Variants in COL11A1 observed in about 807,000 individuals in gnomAD.
The protein encoded by COL11A1 is collagen alpha-1(XI) chain.
In COL11A1, 74 loss-of-function variants were observed where a neutral mutation model predicts 265.2. The observed-to-expected ratio is 0.28, with a 90% CI of 0.23 to 0.34. COL11A1 has a LOEUF of 0.34. Among genes scored for constraint, COL11A1 ranks in the 10% least tolerant of loss-of-function variants. The probability of loss-of-function intolerance (pLI) is 1.00; values close to 1 mark genes in which losing one functional copy is unlikely to be tolerated. For missense variants in COL11A1, 2,165 were observed against 2,263.6 expected, an observed-to-expected ratio of 0.96 and a Z score of 0.88; for synonymous variants, 816 against 727.6, an observed-to-expected ratio of 1.12 and a Z score of -1.96.
intron 48 of COL11A1, 22 bp downstream of exon 48, chr1:102,921,496 A>C (rs1433039199): frequency 6.3e-7 from 1 of 1,582,444 alleles, no homozygotes; most frequent in Non-Finnish European, 8.7e-7. Context: ...AAAATAATTA[A>C]CATATATTTC....
chr1:103,080,736 A>T (rs910697048), intron 2 of COL11A1, among the ~76,000 whole-genome samples: 3 of 151,920 alleles, frequency 2.0e-5, no homozygotes, highest in Non-Finnish European at 4.4e-5. Context: ...AAATTAATAC[A>T]GCCATATAGA....
chr1:102,949,298 A>G (rs1183835122), intron 41 of COL11A1, among the ~76,000 whole-genome samples: 1 of 151,968 alleles, frequency 6.6e-6, no homozygotes, highest in Non-Finnish European at 1.5e-5. Flanking sequence ...TCACAAAATG[A>G]TTGCTATCCA....
At chr1:102,927,774 G>A (rs1326833593) in intron 46 of COL11A1, among the ~76,000 whole-genome samples, 1 of 152,052 alleles carries the variant, frequency 6.6e-6, no homozygotes, top group African/African-American at 2.4e-5. Flanking sequence ...TTATTTTCCT[G>A]GATATGTTTC....
chr1:103,047,901 A>G (rs1296724040), intron 4 of COL11A1, among the ~76,000 whole-genome samples: 1 of 152,146 alleles, frequency 6.6e-6, no homozygotes, highest in Non-Finnish European at 1.5e-5. Flanking sequence ...ATGCTGGATT[A>G]CCTTTATTGA....
At position 102,915,709 on chromosome 1, in the gene COL11A1, A is replaced by G. The variant is rs778424723; in HGVS notation, c.3763-25T>C. ...CCTATATAGAGAAGATCAAATTAGT[A>G]TTAGAATACAGAGATGATCTTTTAC... On this transcript the variant is annotated intron_variant, in intron 49 of 66. Transcript: ENST00000370096. 4 of 1,526,966 alleles carry G rather than the reference A, an allele frequency of 2.6e-6. No homozygotes were observed. The Admixed American group carries it at 6.7e-5, about 26-fold the overall frequency. The allele number at this position is 1,526,966 out of a possible 1,614,324, so 94.6% of individuals were successfully genotyped here.
At chr1:103,056,406 T>C (rs1439024044) in intron 4 of COL11A1, among the ~76,000 whole-genome samples, 1 of 152,188 alleles carries the variant, frequency 6.6e-6, no homozygotes. Context: ...ATTTATGTTA[T>C]GTGAGAGAGA....
At chr1:102,919,943 A>G (rs1008334729) in intron 49 of COL11A1, among the ~76,000 whole-genome samples, 2 of 152,018 alleles carry the variant, frequency 1.3e-5, no homozygotes, top group Non-Finnish European at 2.9e-5. Context: ...CTATTACTAG[A>G]CATTCATGGA....
chr1:103,083,224 C>CTG (rs745323548), intron 1 of COL11A1, among the ~76,000 whole-genome samples: 73 of 103,486 alleles, frequency 7.1e-4, no homozygotes, highest in East Asian at 2.6e-3. Context: ...GAAGGGGTGT[C>CTG]TGTGTGTGTG....
chr1:102,994,401 A>T (rs772369844), intron 28 of COL11A1, among the ~76,000 whole-genome samples: 6 of 151,900 alleles, frequency 3.9e-5, no homozygotes, highest in Non-Finnish European at 8.8e-5. Context: ...GATTGTTTAA[A>T]AGCATGTGGC....
Position 103,017,890 on chromosome 1 carries a change from G to A in COL11A1, c.1351-8C>T. On this transcript the variant is annotated splice_polypyrimidine_tract_variant and splice_region_variant and intron_variant, in intron 10 of 66. Coordinates refer to ENST00000370096, the MANE Select transcript of COL11A1 (RefSeq NM_001854.4). Reference sequence around the variant, plus strand: ...TGGAGGACCCATAATACCCTATAGAGAAACACACCATATCTTAATCAGATT... The same window carrying A: ...TGGAGGACCCATAATACCCTATAGAAAAACACACCATATCTTAATCAGATT... 1 of 1,607,542 alleles carries A rather than the reference G, an allele frequency of 6.2e-7. No homozygotes were observed. The highest frequency in any genetic ancestry group is 8.5e-7 in the Non-Finnish European group (1 of 1,174,198).
chr1:102,888,702 G>A (rs1651334459), intron 61 of COL11A1, 21 bp downstream of exon 61: 2 of 1,613,734 alleles, frequency 1.2e-6, no homozygotes, highest in South Asian at 2.2e-5. Flanking sequence ...AAATTAAATT[G>A]TCAAAGGGAA....
At chr1:102,970,586 C>G (rs2101627927) in intron 36 of COL11A1, among the ~76,000 whole-genome samples, 1 of 152,264 alleles carries the variant, frequency 6.6e-6, no homozygotes, top group East Asian at 1.9e-4. Flanking sequence ...AAAAATATTA[C>G]TTCTTTAGCA....
At chr1:102,933,118 T>C (rs1385115973) in intron 46 of COL11A1, among the ~76,000 whole-genome samples, 1 of 150,114 alleles carries the variant, frequency 6.7e-6, no homozygotes, top group African/African-American at 2.4e-5. Flanking sequence ...CATCCAGCTT[T>C]GTTCCATTGC....
Position 102,959,322 on chromosome 1 carries a change from T to C in COL11A1, c.3168+2544A>G, listed in dbSNP as rs116850894. On this transcript the variant is annotated intron_variant, in intron 41 of 66. Transcript: ENST00000370096. ...TAGATGCTAGCAAGAATTCAACAAA[T>C]GTTAGTCCATCTCCCAAATTTTGTC... 2.4e-4 allele frequency among the ~76,000 whole-genome samples: 36 copies of C among 152,312 alleles called. No homozygotes were observed. The East Asian group carries it at 6.4e-3, about 27-fold the overall frequency.
chr1:103,105,140 T>C (rs561730775), intron 1 of COL11A1, among the ~76,000 whole-genome samples: 1 of 152,108 alleles, frequency 6.6e-6, no homozygotes, highest in South Asian at 2.1e-4. Context: ...AACCCTTACA[T>C]AAACTCATCT....
At chr1:102,923,061 C>G (rs909713830) in intron 47 of COL11A1, among the ~76,000 whole-genome samples, 1 of 152,140 alleles carries the variant, frequency 6.6e-6, no homozygotes, top group Admixed American at 6.5e-5. Context: ...CTAATTAAGA[C>G]AGAATTATTA....
At chr1:102,910,396 T>C (rs1261320855) in intron 54 of COL11A1, among the ~76,000 whole-genome samples, 1 of 152,106 alleles carries the variant, frequency 6.6e-6, no homozygotes, top group Non-Finnish European at 1.5e-5. Flanking sequence ...TTTGACATAT[T>C]TTAAAATGAA....
At chr1:102,882,849 G>T (rs1204626331) in intron 64 of COL11A1, among the ~76,000 whole-genome samples, 1 of 152,060 alleles carries the variant, frequency 6.6e-6, no homozygotes, top group African/African-American at 2.4e-5. Flanking sequence ...GATATTTTGG[G>T]TGTAATATGC....
chr1:103,101,204 T>G (rs1571284759), intron 1 of COL11A1, among the ~76,000 whole-genome samples: 1 of 151,848 alleles, frequency 6.6e-6, no homozygotes. Context: ...AAATGGCTGG[T>G]CTTGAGCCTG....
Sources: gnomAD v4.1 joint callset for allele counts (sites outside exome capture counted in the v4.1 genomes callset) on GRCh38, gnomAD v4.1.1 for gene constraint, MANE v1.5 for transcripts, NCBI Gene and HGNC (gene_info 2026-07-23, HGNC 2026-07-21) for gene names.